The following OTOA variants were observed in gnomAD, a reference collection of about 807,000 sequenced individuals.
OTOA encodes otoancorin.
A neutral mutation model predicts 110.8 loss-of-function variants in OTOA; 70 were observed. The ratio of observed to expected loss-of-function variants is 0.63; its 90% CI spans 0.52 to 0.77. OTOA has a LOEUF of 0.77. Ranked by LOEUF, OTOA falls within the 30% of genes least tolerant of loss-of-function variation. The pLI, the probability that OTOA is intolerant of heterozygous loss-of-function variation, is 0.00. For synonymous variants in OTOA, 373 were observed against 431.5 expected, an observed-to-expected ratio of 0.86 and a Z score of 1.68; for missense variants, 917 against 1,075.8, an observed-to-expected ratio of 0.85 and a Z score of 2.06.
intron 27 of OTOA, among the ~76,000 whole-genome samples, chr16:21,753,954 G>C (rs1487867416): frequency 1.5e-5 from 2 of 132,878 alleles, no homozygotes; most frequent in East Asian, 4.5e-4. Context: ...CAGTTACTTG[G>C]GAGGCTGAGG....
chr16:21,678,885 C>T (rs1184835768), intron 2 of OTOA, 30 bp from the exon 3 acceptor site: 1 of 1,610,266 alleles, frequency 6.2e-7, no homozygotes. Flanking sequence ...CAATTCAATT[C>T]TAGTTATACA....
intron 12 of OTOA, among the ~76,000 whole-genome samples, chr16:21,708,360 C>T (rs556699085): frequency 1.3e-5 from 2 of 152,154 alleles, no homozygotes; most frequent in Admixed American, 6.6e-5. Flanking sequence ...AGAGCTCAGG[C>T]GGTAATGCTC....
chr16:21,709,351 C>T (rs947504186), intron 12 of OTOA, among the ~76,000 whole-genome samples: 13 of 151,864 alleles, frequency 8.6e-5, no homozygotes, highest in South Asian at 2.1e-4. Flanking sequence ...CGCTTGAACC[C>T]GGAAGGTGGA....
At chr16:21,680,183 T>G (rs138864625) in intron 5 of OTOA, among the ~76,000 whole-genome samples, 1 of 94,626 alleles carries the variant, frequency 1.1e-5, no homozygotes, top group African/African-American at 4.6e-5. Context: ...GTTTATTAAT[T>G]TATCCATCCA....
intron 1 of OTOA, among the ~76,000 whole-genome samples, chr16:21,667,994 G>T (rs1318242490): frequency 1.4e-5 from 2 of 139,676 alleles, no homozygotes; most frequent in African/African-American, 5.5e-5. Context: ...GAAACAATAA[G>T]GACTCCTTTA....
chr16:21,701,663 G>C (rs1373496000), intron 11 of OTOA, among the ~76,000 whole-genome samples: 1 of 152,082 alleles, frequency 6.6e-6, no homozygotes, highest in African/African-American at 2.4e-5. Context: ...CTGTCACCCA[G>C]GCTGGAGTGC....
At position 21,665,021 on chromosome 16, in the gene OTOA, T is replaced by C. The variant is rs951581849; in HGVS notation, c.-5+789T>C. Among the ~76,000 whole-genome samples, 7 of 146,990 alleles carry C rather than the reference T, an allele frequency of 4.8e-5. No individual in the cohort carries two copies. The East Asian group carries it at 5.9e-4, about 12-fold the overall frequency. On this transcript the variant is annotated intron_variant, in intron 1 of 28. Coordinates refer to ENST00000646100, the MANE Select transcript of OTOA (RefSeq NM_144672.4). ...ATAAATAAATAAATAAATAAACAAA[T>C]AAAGTTGATAGTTTTTTGCCAGGGA...
intron 27 of OTOA, among the ~76,000 whole-genome samples, chr16:21,756,369 A>G (rs908859520): frequency 6.6e-6 from 1 of 152,120 alleles, no homozygotes; most frequent in Admixed American, 6.6e-5. Context: ...GTGCTCAGGC[A>G]GTCAAACCAA....
At chr16:21,700,715 A>G (rs1898034187) in intron 10 of OTOA, among the ~76,000 whole-genome samples, 173 bp from the exon 11 acceptor site, 1 of 121,730 alleles carries the variant, frequency 8.2e-6, no homozygotes, top group Non-Finnish European at 1.7e-5. Context: ...ACAGAGTGAG[A>G]CTCCATCTCA....
intron 12 of OTOA, chr16:21,705,511 A>G: frequency 1.4e-6 from 1 of 702,740 alleles, no homozygotes; most frequent in Non-Finnish European, 2.3e-6. Flanking sequence ...ATCAAAATTT[A>G]ATCAGAAAGC....
At chr16:21,724,778 TTA>T in intron 18 of OTOA, among the ~76,000 whole-genome samples, 1 of 151,994 alleles carries the variant, frequency 6.6e-6, no homozygotes, top group East Asian at 1.9e-4. Context: ...AATTAATTAA[TTA>T]ATTTATTTAT....
Position 21,730,876 on chromosome 16 carries a change from G to C in OTOA, c.2247G>C (p.Leu749Phe), listed in dbSNP as rs747822531. 1.0e-5 allele frequency: 16 copies of C among 1,577,680 alleles called. 2 individuals carry two copies. The highest frequency in any genetic ancestry group is 5.1e-5 in the Admixed American group (3 of 58,926). Residue 749 changes from leucine to phenylalanine, a missense_variant, in exon 21 of 29, where the codon TTG becomes TTC. Leu to Phe is a conservative substitution (Grantham distance 22). This residue lies in a region of OTOA where 840 missense variants were observed against 910.2 expected (regional missense o/e 0.92). Coordinates refer to ENST00000646100, the MANE Select transcript of OTOA (RefSeq NM_144672.4). ...GGACAGCCGAGACCACGAAGGACTT[G>C]GGACCCTTTCTAGTACTTTTCTCAG... is the stretch of plus-strand genomic sequence containing the variant. ...QHWTAETTKDLGPFLVLFSGD... is the reference protein window; with the variant it reads ...QHWTAETTKDFGPFLVLFSGD...
At position 21,664,167 on chromosome 16, in the gene OTOA, C is replaced by T. The variant is rs890048310; in HGVS notation, c.-70C>T. 2 of 152,284 alleles carry T rather than the reference C, an allele frequency of 1.3e-5. No homozygotes were observed. Among genetic ancestry groups the T allele is most frequent in the African/African-American group, 4.8e-5 (2 of 41,434 alleles). The allele number at this position is 152,284 out of a possible 1,614,324, so 9.4% of individuals were successfully genotyped here. ...TGCCTGCCCGCTCCCCGCATGAGCC[C>T]CGCGGCCCCGCCCTGCGCCACCCGC... On this transcript the variant is annotated 5_prime_UTR_variant, in exon 1 of 29. Transcript: ENST00000646100.
rs751066114 is a variant in OTOA, at chr16:21,726,634, C to T, written c.1992C>T (p.Val664=). ...LVLDSHKKTS[V]LRKVQQCLDD... ...TAGATTCCCACAAAAAGACTTCAGTCCTCAGGAAAGTGCAGCAGTGCCTGG... is the reference window on the plus strand; with the variant it reads ...TAGATTCCCACAAAAAGACTTCAGTTCTCAGGAAAGTGCAGCAGTGCCTGG... Residue 664 remains valine, a synonymous_variant, in exon 19 of 29, where the codon GTC becomes GTT. Transcript: ENST00000646100. 1.2e-6 allele frequency: 2 copies of T among 1,614,056 alleles called. No homozygotes were observed. The highest frequency in any genetic ancestry group is 4.5e-5 in the East Asian group (2 of 44,874).
intron 20 of OTOA, chr16:21,729,701 C>A (rs1042233347): frequency 6.6e-6 from 1 of 152,230 alleles, no homozygotes; most frequent in African/African-American, 2.4e-5. Context: ...CTGGCAACCA[C>A]TGATACTTTT....
intron 28 of OTOA, among the ~76,000 whole-genome samples, chr16:21,758,283 A>ACT (rs1900058789): frequency 6.6e-6 from 1 of 151,676 alleles, no homozygotes; most frequent in African/African-American, 2.4e-5. Context: ...AAGATGGGGA[A>ACT]CAGAGATGTT....
chr16:21,700,790 G>A, intron 10 of OTOA, 98 bp from the exon 11 acceptor site: 2 of 1,384,602 alleles, frequency 1.4e-6, no homozygotes, highest in Non-Finnish European at 2.1e-6. Flanking sequence ...GTGTATCCAA[G>A]TGTCCATGAT....
chr16:21,758,148 T>C (rs1182383169), intron 28 of OTOA, among the ~76,000 whole-genome samples: 1 of 151,892 alleles, frequency 6.6e-6, no homozygotes, highest in East Asian at 1.9e-4. Flanking sequence ...TGGCCTTCTT[T>C]CCTTTTTCTC....
Position 21,678,544 on chromosome 16 carries a change from T to C in OTOA, c.30T>C (p.Leu10=), listed in dbSNP as rs1435964772. 6.2e-7 allele frequency: 1 copy of C among 1,613,910 alleles called. No individual in the cohort carries two copies. The highest frequency in any genetic ancestry group is 8.5e-7 in the Non-Finnish European group (1 of 1,179,956). ...CTCAGGAACCTACGACATACTCCCTTTTCCTATTCCTTTTTCTGAGCCATG... is the reference window on the plus strand; with the variant it reads ...CTCAGGAACCTACGACATACTCCCTCTTCCTATTCCTTTTTCTGAGCCATG... MSQEPTTYS[L]FLFLFLSHGV... is the part of the protein sequence containing the mutation. Residue 10 remains leucine, a synonymous_variant, in exon 2 of 29, where the codon CTT becomes CTC. Transcript: ENST00000646100.
Sources: allele counts gnomAD v4.1 joint callset (sites outside exome capture counted in the v4.1 genomes callset), GRCh38; gene constraint gnomAD v4.1.1; regional missense constraint gnomAD v4.1.1; transcripts MANE v1.5; gene names NCBI Gene and HGNC (gene_info 2026-07-23, HGNC 2026-07-21).